Variants in RPRD1B observed in about 807,000 individuals in gnomAD.
The protein encoded by RPRD1B is regulation of nuclear pre-mRNA domain-containing protein 1B.
A neutral mutation model predicts 41.5 loss-of-function variants in RPRD1B; 11 were observed. The observed-to-expected ratio is 0.27, with a 90% CI of 0.17 to 0.44. RPRD1B has a LOEUF of 0.44. Ranked by LOEUF, RPRD1B falls within the 20% of genes least tolerant of loss-of-function variation. The pLI, the probability that RPRD1B is intolerant of heterozygous loss-of-function variation, is 1.00. For synonymous variants in RPRD1B, 158 were observed against 155.6 expected (o/e 1.02, Z -0.12); for missense variants, 248 against 389.9 (o/e 0.64, Z 3.06).
In RPRD1B at chr20:38,033,785, T is replaced by A; in HGVS notation, c.-163T>A. On this transcript the variant is annotated 5_prime_UTR_variant, in exon 1 of 7. Coordinates refer to ENST00000373433, the MANE Select transcript of RPRD1B (RefSeq NM_021215.4). ...TTGTGGCGGCGGCGCGGGCGGCTGT[T>A]ACTGCGGAGACCCATCCCCTCCCCC... 1 of 650,904 alleles carries A rather than the reference T, an allele frequency of 1.5e-6. No homozygotes were observed. The highest frequency in any genetic ancestry group is 2.5e-6 in the Non-Finnish European group (1 of 398,012). 40.3% of individuals were successfully genotyped at this position (650,904 alleles called of 1,614,324 possible).
At chr20:38,088,625 A>G (rs78039924) in intron 6 of RPRD1B, among the ~76,000 whole-genome samples, 2,390 of 152,358 alleles carry the variant, frequency 0.016, 57 homozygotes, top group African/African-American at 0.055. Context: ...GTTGTTTTCT[A>G]TATATCTTGG....
Position 38,091,507 on chromosome 20 carries a change from TG to T in RPRD1B, c.*1633del, listed in dbSNP as rs2074611598. 1.0e-6 allele frequency: 1 copy of T among 985,330 alleles called. No homozygotes were observed. Among genetic ancestry groups the T allele is most frequent in the Admixed American group, 6.1e-5 (1 of 16,270 alleles). 61.0% of individuals were successfully genotyped at this position (985,330 alleles called of 1,614,324 possible). On this transcript the variant is annotated 3_prime_UTR_variant, in exon 7 of 7. Transcript: ENST00000373433. ...CTGTGTGTTGTTTGCTTATGGACAC[TG>T]CCTGTCGTTCTGTCACTGTTAAATT...
intron 6 of RPRD1B, among the ~76,000 whole-genome samples, chr20:38,081,601 G>T (rs1480025991): frequency 6.6e-6 from 1 of 152,160 alleles, no homozygotes; most frequent in African/African-American, 2.4e-5. Flanking sequence ...GAACGGGGGT[G>T]GCAAGAGTGG....
intron 6 of RPRD1B, among the ~76,000 whole-genome samples, chr20:38,075,872 CTTAT>C (rs1421775122): frequency 1.3e-5 from 2 of 152,148 alleles, no homozygotes; most frequent in East Asian, 3.8e-4. Flanking sequence ...TGCAAGCCTC[CTTAT>C]TTGTTTTTTT....
At chr20:38,064,844 G>T (rs2074336637) in intron 5 of RPRD1B, among the ~76,000 whole-genome samples, 2 of 152,072 alleles carry the variant, frequency 1.3e-5, no homozygotes, top group East Asian at 1.9e-4. Flanking sequence ...AAATTAGACG[G>T]GCGTGGTGGC....
At chr20:38,048,261 T>G in intron 2 of RPRD1B, 87 bp from the exon 3 acceptor site, 6 of 1,336,994 alleles carry the variant, frequency 4.5e-6, no homozygotes, top group Non-Finnish European at 6.0e-6. Flanking sequence ...AGTCAGTTGT[T>G]GATTTCTTTT....
chr20:38,035,890 G>T (rs1362158994), intron 1 of RPRD1B, among the ~76,000 whole-genome samples: 1 of 151,396 alleles, frequency 6.6e-6, no homozygotes, highest in Non-Finnish European at 1.5e-5. Context: ...TCAGCCTCCC[G>T]AGTAGCTGGA....
chr20:38,071,574 G>A (rs2074413669), intron 6 of RPRD1B, among the ~76,000 whole-genome samples: 1 of 152,138 alleles, frequency 6.6e-6, no homozygotes, highest in Admixed American at 6.5e-5. Flanking sequence ...GAATTGCTGG[G>A]TCATATGGTA....
At chr20:38,063,071 T>C (rs1229840792) in intron 5 of RPRD1B, among the ~76,000 whole-genome samples, 5 of 152,052 alleles carry the variant, frequency 3.3e-5, no homozygotes, top group Non-Finnish European at 5.9e-5. Flanking sequence ...ACTGCTCAAG[T>C]CATATGGGCT....
At chr20:38,036,033 GTAT>G (rs1336581653) in intron 1 of RPRD1B, among the ~76,000 whole-genome samples, 1 of 152,074 alleles carries the variant, frequency 6.6e-6, no homozygotes, top group African/African-American at 2.4e-5. Flanking sequence ...CAAAGTGCTG[GTAT>G]TACAGGTGTG....
At chr20:38,082,546 C>T (rs1293457834) in intron 6 of RPRD1B, among the ~76,000 whole-genome samples, 1 of 152,140 alleles carries the variant, frequency 6.6e-6, no homozygotes, top group Admixed American at 6.5e-5. Flanking sequence ...TGCTACCATG[C>T]CTGGCTAATT....
At chr20:38,049,371 T>C (rs1264316796) in intron 3 of RPRD1B, among the ~76,000 whole-genome samples, 9 of 136,022 alleles carry the variant, frequency 6.6e-5, no homozygotes, top group East Asian at 4.0e-4. Context: ...TTTTTTCTTT[T>C]TTTTTTTTTT....
intron 5 of RPRD1B, among the ~76,000 whole-genome samples, chr20:38,064,985 C>G (rs1275425338): frequency 9.1e-6 from 1 of 109,350 alleles, no homozygotes; most frequent in Non-Finnish European, 2.0e-5. Context: ...GACACCATCT[C>G]AAAAAAAAAA....
chr20:38,049,105 C>T (rs1283046617), intron 3 of RPRD1B, among the ~76,000 whole-genome samples: 1 of 151,668 alleles, frequency 6.6e-6, no homozygotes, highest in Non-Finnish European at 1.5e-5. Flanking sequence ...CCTGCCACAA[C>T]ACCCGGCTAA....
intron 1 of RPRD1B, among the ~76,000 whole-genome samples, chr20:38,038,490 GTTTTTTT>G (rs150397040): frequency 4.0e-4 from 31 of 76,764 alleles, no homozygotes; most frequent in Admixed American, 1.3e-3. Context: ...TTTTTGTTTT[GTTTTTTT>G]TTTTTTTTTT....
chr20:38,038,590 G>T (rs2074031059), intron 1 of RPRD1B, among the ~76,000 whole-genome samples: 2 of 139,704 alleles, frequency 1.4e-5, no homozygotes, highest in Non-Finnish European at 3.0e-5. Flanking sequence ...TCCGCCTCCT[G>T]GGCTCACCCC....
intron 6 of RPRD1B, among the ~76,000 whole-genome samples, chr20:38,067,712 C>G (rs906182449): frequency 6.6e-6 from 1 of 152,188 alleles, no homozygotes; most frequent in Non-Finnish European, 1.5e-5. Context: ...ATTTAGACAT[C>G]GGCACTGACC....
chr20:38,038,485 G>GTT (rs2074027015), intron 1 of RPRD1B, among the ~76,000 whole-genome samples: 55 of 83,116 alleles, frequency 6.6e-4, no homozygotes, highest in African/African-American at 2.8e-3. Flanking sequence ...GATTTTTTTT[G>GTT]TTTTGTTTTT....
At chr20:38,062,403 T>C (rs1725840948) in intron 5 of RPRD1B, among the ~76,000 whole-genome samples, 1 of 152,164 alleles carries the variant, frequency 6.6e-6, no homozygotes. Flanking sequence ...CCTTCCACCT[T>C]GAACTTGAGA....
Sources: allele counts gnomAD v4.1 joint callset (sites outside exome capture counted in the v4.1 genomes callset), GRCh38; gene constraint gnomAD v4.1.1; transcripts MANE v1.5; gene names NCBI Gene and HGNC (gene_info 2026-07-23, HGNC 2026-07-21).